Variants in ZER1 observed in about 807,000 individuals in gnomAD.
The protein encoded by ZER1 is protein zer-1 homolog.
In ZER1, 11 loss-of-function variants were observed where a neutral mutation model predicts 78.8. The ratio of observed to expected loss-of-function variants is 0.14; its 90% CI spans 0.09 to 0.23. The LOEUF (loss-of-function observed/expected upper bound fraction) is 0.23. Ranked by LOEUF, ZER1 falls within the 10% of genes least tolerant of loss-of-function variation. The probability of loss-of-function intolerance (pLI) is 1.00; values close to 1 mark genes in which losing one functional copy is unlikely to be tolerated. For synonymous variants in ZER1, 400 were observed against 407.0 expected (o/e 0.98, Z 0.21); for missense variants, 588 against 996.9 (o/e 0.59, Z 5.52).
chr9:128,767,534 C>T (rs1449939681), intron 1 of ZER1, among the ~76,000 whole-genome samples: 1 of 152,096 alleles, frequency 6.6e-6, no homozygotes, highest in Non-Finnish European at 1.5e-5. Context: ...TGTGAGCCAC[C>T]GCACCCAGCT....
At chr9:128,747,081 C>T (rs1031169088) in intron 8 of ZER1, among the ~76,000 whole-genome samples, 1 of 151,868 alleles carries the variant, frequency 6.6e-6, no homozygotes, top group East Asian at 1.9e-4. Flanking sequence ...CTCCTGTAGT[C>T]CCAGCTACTC....
Position 128,755,258 on chromosome 9 carries a change from C to T in ZER1, c.158+150G>A, listed in dbSNP as rs1357956478. On this transcript the variant is annotated intron_variant, in intron 2 of 15. Transcript: ENST00000291900. This position sits in a 1 kb window ranked among gnomAD's most constrained non-coding sequence, Gnocchi z 5.6. ...ACGGTTATGGATACACCACTATTCT[C>T]TTGCAGCCATGAACATCCATGTGCA... The T allele has an allele frequency of 2.5e-5, 30 of 1,185,214 alleles. No homozygotes were observed. The highest frequency in any genetic ancestry group is 3.5e-5 in the Non-Finnish European group (29 of 820,338). The allele number at this position is 1,185,214 out of a possible 1,614,324, so 73.4% of individuals were successfully genotyped here. A position where few individuals can be genotyped will look rare whatever the true frequency, so the allele number is the denominator to read the frequency against.
At chr9:128,772,128 G>A (rs1274191336), upstream of ZER1, among the ~76,000 whole-genome samples, 1 of 152,248 alleles carries the variant, frequency 6.6e-6, no homozygotes, top group African/African-American at 2.4e-5. Context: ...GTCATTCAGG[G>A]CTCTCCCTGG....
upstream of ZER1, chr9:128,772,343 G>A (rs1270110606): frequency 6.6e-6 from 1 of 150,588 alleles, no homozygotes; most frequent in Non-Finnish European, 1.5e-5. Flanking sequence ...CCCAAAAGGT[G>A]CTCCTAACCT....
rs1214998666 is a variant in ZER1, at chr9:128,753,709, G to A, written c.309+100C>T. 2.9e-5 allele frequency: 45 copies of A among 1,557,636 alleles called. No homozygotes were observed. Among genetic ancestry groups the A allele is most frequent in the Middle Eastern group, 1.9e-4 (1 of 5,394 alleles). ...TGGAAAGGGGGATGTGCACAGTCAC[G>A]GTGCACACTGGCTGGGCTGGGGATG... On this transcript the variant is annotated intron_variant, in intron 3 of 15. Transcript: ENST00000291900. This position sits in a 1 kb window ranked among gnomAD's most constrained non-coding sequence, Gnocchi z 7.5.
At chr9:128,735,534 T>C in intron 13 of ZER1, 103 bp from the exon 14 acceptor site, 2 of 1,126,374 alleles carry the variant, frequency 1.8e-6, no homozygotes, top group South Asian at 3.1e-5. Context: ...TGACCAACCA[T>C]GATAGGCTGG....
chr9:128,743,268 A>G (rs1016039769), intron 8 of ZER1, among the ~76,000 whole-genome samples: 9 of 151,384 alleles, frequency 5.9e-5, no homozygotes, highest in African/African-American at 2.2e-4. Context: ...CAGGCGTGCC[A>G]CCATGCCCGG....
intron 1 of ZER1, among the ~76,000 whole-genome samples, chr9:128,758,123 T>G (rs997814496): frequency 7.4e-5 from 10 of 134,382 alleles, no homozygotes; most frequent in South Asian, 2.4e-4. Context: ...TAGTTTAGGT[T>G]TTTTTTTTTT....
rs1177963838 is a variant in ZER1, at chr9:128,731,191, G to A, written c.*146C>T. 9.6e-6 allele frequency: 5 copies of A among 518,168 alleles called. No homozygotes were observed. The highest frequency in any genetic ancestry group is 1.9e-5 in the African/African-American group (1 of 51,464). The allele number at this position is 518,168 out of a possible 1,614,324, so 32.1% of individuals were successfully genotyped here. A position where few individuals can be genotyped will look rare whatever the true frequency, so the allele number is the denominator to read the frequency against. On this transcript the variant is annotated 3_prime_UTR_variant, in exon 16 of 16. Transcript: ENST00000291900. ...TATATATATATCTCACTAACATTAA[G>A]GAAAAGCGTCGGTTGTGCAAAAGTC...
Position 128,733,618 on chromosome 9 carries a change from C to A in ZER1, c.2141-90G>T, listed in dbSNP as rs534499643. 102 of 1,209,928 alleles carry A rather than the reference C, an allele frequency of 8.4e-5. No individual in the cohort carries two copies. The African/African-American group carries it at 1.4e-3, about 17-fold the overall frequency. The allele number at this position is 1,209,928 out of a possible 1,614,324, so 74.9% of individuals were successfully genotyped here. ...ACCCACCCTGTCTGTGAGGACTATC[C>A]TGGTGTCGGGGGTGTGAAGGCACAG... On this transcript the variant is annotated intron_variant, in intron 14 of 15. Coordinates refer to ENST00000291900, the MANE Select transcript of ZER1 (RefSeq NM_006336.4).
At chr9:128,761,974 T>A (rs1412534258) in intron 1 of ZER1, among the ~76,000 whole-genome samples, 1 of 152,048 alleles carries the variant, frequency 6.6e-6, no homozygotes, top group Non-Finnish European at 1.5e-5. Context: ...TGGAACCTGG[T>A]CTCGTGGAAT....
chr9:128,741,567 T>C lies in ZER1; in HGVS notation c.1705A>G (p.Asn569Asp). The C allele has an allele frequency of 6.2e-7, 1 of 1,614,118 alleles. No individual in the cohort carries two copies. The highest frequency in any genetic ancestry group is 1.1e-5 in the South Asian group (1 of 91,082). ...PDNCEMFLNFNGMKLFLDCLK... is the reference protein window; with the variant it reads ...PDNCEMFLNFDGMKLFLDCLK... ...CAGTCCAGGAAGAGCTTCATGCCGT[T>C]GAAATTGAGGAACATCTCGCAGTTG... The change falls in exon 11 of 16, where the codon AAC (asparagine) becomes GAC (aspartate). Residue 569 changes from asparagine to aspartate, a missense_variant. Transcript: ENST00000291900.
chr9:128,736,925 C>T (rs1196250376), intron 13 of ZER1, among the ~76,000 whole-genome samples: 1 of 152,000 alleles, frequency 6.6e-6, no homozygotes, highest in Non-Finnish European at 1.5e-5. Flanking sequence ...GGGTGGATTG[C>T]CTGAGCTCAG....
intron 1 of ZER1, among the ~76,000 whole-genome samples, chr9:128,767,236 G>A (rs1374451652): frequency 2.0e-5 from 3 of 150,330 alleles, no homozygotes; most frequent in African/African-American, 7.3e-5. Context: ...AGCCACTGCG[G>A]TCGGCCTATT....
intron 8 of ZER1, among the ~76,000 whole-genome samples, chr9:128,743,431 A>AT (rs1036948323): frequency 1.7e-4 from 26 of 150,756 alleles, no homozygotes; most frequent in Non-Finnish European, 3.4e-4. Flanking sequence ...TTATTTATTT[A>AT]TTTTTTTTGA....
chr9:128,753,320 G>A lies in ZER1; in HGVS notation c.590C>T (p.Pro197Leu). 6.2e-7 allele frequency: 1 copy of A among 1,613,076 alleles called. No homozygotes were observed. Among genetic ancestry groups the A allele is most frequent in the Non-Finnish European group, 8.5e-7 (1 of 1,179,602 alleles). ...GTCCAAGGCAGCCAGGGAGTTAAGC[G>A]GCCGCAGCAGGGACTCCACAGGGAC... ...DWVPVESLLR[P>L]LNSLAALDLS... is the part of the protein sequence containing the mutation. The change falls in exon 4 of 16, where the codon CCG becomes CTG. Residue 197 changes from proline to leucine, a missense_variant. Physicochemically the swap from Pro to Leu is moderately conservative, Grantham distance 98. Transcript: ENST00000291900. This position sits in a 1 kb window ranked among gnomAD's most constrained non-coding sequence, Gnocchi z 7.5.
At chr9:128,738,961 C>T (rs1459784797) in intron 13 of ZER1, among the ~76,000 whole-genome samples, 2 of 151,234 alleles carry the variant, frequency 1.3e-5, no homozygotes, top group African/African-American at 4.9e-5. Context: ...AAGCGATTCT[C>T]CTGCCTCAGC....
At chr9:128,747,984 A>G (rs982977952) in intron 8 of ZER1, among the ~76,000 whole-genome samples, 1 of 152,176 alleles carries the variant, frequency 6.6e-6, no homozygotes, top group Non-Finnish European at 1.5e-5. Context: ...GCCTAGTGCA[A>G]TGGCTCATGC....
chr9:128,734,050 C>T (rs1445360179), intron 14 of ZER1, among the ~76,000 whole-genome samples: 1 of 107,104 alleles, frequency 9.3e-6, no homozygotes, highest in African/African-American at 3.3e-5. Context: ...ATGGCGTGAA[C>T]CCGGGAGGCG....
Sources: allele counts gnomAD v4.1 joint callset (sites outside exome capture counted in the v4.1 genomes callset), GRCh38; gene constraint gnomAD v4.1.1; non-coding constraint Gnocchi (gnomAD v3.1); transcripts MANE v1.5; gene names NCBI Gene and HGNC (gene_info 2026-07-23, HGNC 2026-07-21).